Variants in KIF1A observed in about 807,000 individuals in gnomAD.
KIF1A encodes kinesin-like protein KIF1A.
In KIF1A, 46 loss-of-function variants were observed where a neutral mutation model predicts 227.3. The ratio of observed to expected loss-of-function variants is 0.20; its 90% CI spans 0.16 to 0.26. The LOEUF (loss-of-function observed/expected upper bound fraction) is 0.26, where lower values mean the gene tolerates loss of function less well. Among genes scored for constraint, KIF1A ranks in the 10% least tolerant of loss-of-function variants. The pLI, the probability that KIF1A is intolerant of heterozygous loss-of-function variation, is 1.00. For missense variants in KIF1A, 1,683 were observed against 2,485.9 expected (o/e 0.68, Z 6.87); for synonymous variants, 1,022 against 1,012.8 (o/e 1.01, Z -0.17).
At position 240,789,935 on chromosome 2, in the gene KIF1A, A is replaced by G. The variant is rs75861753; in HGVS notation, c.107-623T>C. On this transcript the variant is annotated intron_variant, in intron 2 of 48. Coordinates refer to ENST00000498729, the MANE Select transcript of KIF1A (RefSeq NM_001244008.2). This position sits in a 1 kb window ranked among gnomAD's most constrained non-coding sequence, Gnocchi z 4.8. ...GTGCTCACAGAATATCTGTTCCTCA[A>G]ACCCAGAACAAATCCATGAACACGT... 0.035 allele frequency among the ~76,000 whole-genome samples: 5,395 copies of G among 152,126 alleles called. 340 individuals are homozygous for G. Among genetic ancestry groups the G allele is most frequent in the African/African-American group, 0.12 (5,130 of 41,494 alleles).
chr2:240,741,832 G>A (rs912093057), intron 34 of KIF1A, among the ~76,000 whole-genome samples: 3 of 152,176 alleles, frequency 2.0e-5, no homozygotes, highest in Admixed American at 6.5e-5. Context: ...GGCCTGGCCC[G>A]AGAGGACCTG....
At chr2:240,760,240 G>A (rs1474299760) in intron 25 of KIF1A, among the ~76,000 whole-genome samples, 1 of 152,132 alleles carries the variant, frequency 6.6e-6, no homozygotes, top group Non-Finnish European at 1.5e-5. Context: ...GAGCAAGGGG[G>A]CATTCCTTCC....
In KIF1A at chr2:240,801,751, G is replaced by A. The variant is rs571286071; in HGVS notation, c.-60-3939C>T. ...ACCCCTCAGCCCCTCCACCACGTGA[G>A]AGCAGGGCAAGAAGGCGTCTAGGAG... On this transcript the variant is annotated intron_variant, in intron 1 of 48. Coordinates refer to ENST00000498729, the MANE Select transcript of KIF1A (RefSeq NM_001244008.2). 5.3e-5 allele frequency among the ~76,000 whole-genome samples: 8 copies of A among 152,312 alleles called. No homozygotes were observed. The South Asian group carries it at 1.7e-3, about 32-fold the overall frequency.
intron 38 of KIF1A, among the ~76,000 whole-genome samples, chr2:240,733,660 C>T (rs575253201): frequency 1.4e-4 from 21 of 152,332 alleles, no homozygotes; most frequent in Middle Eastern, 3.4e-3. Flanking sequence ...CATCGCAACA[C>T]GACCTGACAA....
chr2:240,750,668 C>A, intron 27 of KIF1A, 121 bp from the exon 28 acceptor site: 2 of 733,710 alleles, frequency 2.7e-6, no homozygotes, highest in Admixed American at 4.5e-5. Flanking sequence ...GGGAAGCCGC[C>A]GGACAGGACA....
At position 240,753,173 on chromosome 2, in the gene KIF1A, G is replaced by A. The variant is rs141469977; in HGVS notation, c.2859-2626C>T. ...GACTTCTGCACCTGAGCTAGAGAAG[G>A]GGCCACTCCCTTCCCACTCTTAGCT... On this transcript the variant is annotated intron_variant, in intron 27 of 48. Coordinates refer to ENST00000498729, the MANE Select transcript of KIF1A (RefSeq NM_001244008.2). Among the ~76,000 whole-genome samples the A allele has an allele frequency of 2.1e-3, 322 of 152,344 alleles. 1 individual carries two copies. The highest frequency in any genetic ancestry group is 7.5e-3 in the African/African-American group (310 of 41,588).
chr2:240,790,654 C>T lies in KIF1A; in HGVS notation c.107-1342G>A, dbSNP rs1169136970. Among the ~76,000 whole-genome samples, 2 of 152,016 alleles carry T rather than the reference C, an allele frequency of 1.3e-5. No individual in the cohort carries two copies. Among genetic ancestry groups the T allele is most frequent in the East Asian group, 3.9e-4 (2 of 5,170 alleles). ...AGATGTAATTAGTTAAGATGAGGTC[C>T]TACTCCATGAAGACGGGCCCTAATC... On this transcript the variant is annotated intron_variant, in intron 2 of 48. Coordinates refer to ENST00000498729, the MANE Select transcript of KIF1A (RefSeq NM_001244008.2). The surrounding 1 kb of genome is among the most constrained non-coding windows in gnomAD (Gnocchi z 5.0).
intron 1 of KIF1A, among the ~76,000 whole-genome samples, chr2:240,807,885 A>G (rs931835335): frequency 2.2e-4 from 33 of 152,198 alleles, no homozygotes; most frequent in African/African-American, 7.5e-4. Context: ...ATAATTTTCA[A>G]ATTAAAGAAG....
At position 240,723,919 on chromosome 2, in the gene KIF1A, G is replaced by A. The variant is rs551869888; in HGVS notation, c.4318+56C>T. The A allele has an allele frequency of 3.5e-4, 496 of 1,421,106 alleles. 6 individuals are homozygous for A. In the South Asian group the frequency reaches 5.3e-3, roughly 15 times the overall value. 88.0% of individuals were successfully genotyped at this position (1,421,106 alleles called of 1,614,324 possible). On this transcript the variant is annotated intron_variant, in intron 41 of 48. Coordinates refer to ENST00000498729, the MANE Select transcript of KIF1A (RefSeq NM_001244008.2). Reference sequence around the variant, plus strand: ...CAGCTTCGCTGTGGTCACCCCAAGTGGGCAGAGGTTGAGCAGGCCAGGAAC... The same window carrying A: ...CAGCTTCGCTGTGGTCACCCCAAGTAGGCAGAGGTTGAGCAGGCCAGGAAC...
chr2:240,717,997 C>T (rs567986110), intron 48 of KIF1A, 53 bp downstream of exon 48: 20 of 1,168,418 alleles, frequency 1.7e-5, no homozygotes, highest in South Asian at 1.3e-4. Context: ...GGCCAGGAGC[C>T]GGTTGAGGGC....
intron 1 of KIF1A, among the ~76,000 whole-genome samples, chr2:240,808,268 A>G (rs931719425): frequency 1.3e-5 from 2 of 152,250 alleles, no homozygotes; most frequent in Non-Finnish European, 2.9e-5. Flanking sequence ...TCCACAGAAA[A>G]AATATTTGAA....
chr2:240,761,112 A>G (rs2050469158), intron 24 of KIF1A, 117 bp downstream of exon 24: 4 of 1,258,022 alleles, frequency 3.2e-6, no homozygotes, highest in Non-Finnish European at 4.5e-6. Flanking sequence ...CAGGGCTGCT[A>G]TGCCACCCCC....
chr2:240,808,635 T>C (rs2057619815), intron 1 of KIF1A, among the ~76,000 whole-genome samples: 1 of 151,252 alleles, frequency 6.6e-6, no homozygotes, highest in Non-Finnish European at 1.5e-5. Flanking sequence ...ATCACACCAC[T>C]GCACTCCAGG....
chr2:240,760,614 C>T, intron 25 of KIF1A, 51 bp downstream of exon 25: 1 of 1,386,252 alleles, frequency 7.2e-7, no homozygotes, highest in Non-Finnish European at 9.4e-7. Context: ...TGGCTTCAGC[C>T]CTGCCCAGGA....
chr2:240,794,973 C>A (rs886383028), intron 2 of KIF1A, among the ~76,000 whole-genome samples: 1 of 152,340 alleles, frequency 6.6e-6, no homozygotes, highest in Non-Finnish European at 1.5e-5. Flanking sequence ...CTGGCAGGCT[C>A]TCCACCCCTA....
chr2:240,776,288 C>T (rs995005860), intron 10 of KIF1A, among the ~76,000 whole-genome samples: 8 of 152,226 alleles, frequency 5.3e-5, no homozygotes, highest in Non-Finnish European at 1.0e-4. Flanking sequence ...GAGTCCATGG[C>T]CCCTCCTCGA....
chr2:240,792,894 G>A lies in KIF1A; in HGVS notation c.107-3582C>T, dbSNP rs1456842568. 3.3e-5 allele frequency among the ~76,000 whole-genome samples: 5 copies of A among 152,168 alleles called. No homozygotes were observed. Among genetic ancestry groups the A allele is most frequent in the South Asian group, 4.1e-4 (2 of 4,830 alleles). On this transcript the variant is annotated intron_variant, in intron 2 of 48. Transcript: ENST00000498729. This position sits in a 1 kb window ranked among gnomAD's most constrained non-coding sequence, Gnocchi z 4.5. ...GCAGCAGCTGCAGGCTGGGAAGACA[G>A]CCCTCCCACGATCTAGACCTGTGGG... is the stretch of plus-strand genomic sequence containing the variant.
rs565978411 is a variant in KIF1A, at chr2:240,783,019, A to G, written c.864+25T>C. On this transcript the variant is annotated intron_variant, in intron 9 of 48. Transcript: ENST00000498729. ...CCAAAGACCCTCTGGGGTTCTGGCT[A>G]TGGAAGCCGGGCCGGGCCACTCACC... 2.9e-5 allele frequency: 46 copies of G among 1,594,252 alleles called. No individual in the cohort carries two copies. In the South Asian group the frequency reaches 4.7e-4, roughly 16 times the overall value.
chr2:240,798,169 G>A (rs918504539), intron 1 of KIF1A: 11 of 179,240 alleles, frequency 6.1e-5, no homozygotes, highest in South Asian at 1.4e-4. Context: ...TGCCAGGTCC[G>A]CGCAGGCCCC....
Sources: gnomAD v4.1 joint callset for allele counts (sites outside exome capture counted in the v4.1 genomes callset) on GRCh38, gnomAD v4.1.1 for gene constraint, Gnocchi (gnomAD v3.1) non-coding constraint, MANE v1.5 for transcripts, NCBI Gene and HGNC (gene_info 2026-07-23, HGNC 2026-07-21) for gene names.